The following TMEM132D variants were observed in gnomAD, a reference collection of about 807,000 sequenced individuals.
TMEM132D encodes the protein mature OL transmembrane protein.
A neutral mutation model predicts 62.3 loss-of-function variants in TMEM132D; 21 were observed. The ratio of observed to expected loss-of-function variants is 0.34; its 90% CI spans 0.24 to 0.49. TMEM132D has a LOEUF of 0.49. Among genes scored for constraint, TMEM132D ranks in the 20% least tolerant of loss-of-function variants. The probability of loss-of-function intolerance (pLI) is 0.99; values close to 1 mark genes in which losing one functional copy is unlikely to be tolerated. For synonymous variants in TMEM132D, 621 were observed against 575.6 expected, an observed-to-expected ratio of 1.08 and a Z score of -1.13; for missense variants, 1,346 against 1,402.8, an observed-to-expected ratio of 0.96 and a Z score of 0.65.
intron 4 of TMEM132D, among the ~76,000 whole-genome samples, chr12:129,258,476 T>C (rs1344248348): frequency 6.6e-6 from 1 of 152,184 alleles, no homozygotes; most frequent in African/African-American, 2.4e-5. Context: ...ATAATATACA[T>C]TGGCTTGTGA....
intron 3 of TMEM132D, among the ~76,000 whole-genome samples, chr12:129,450,344 A>T (rs1208648492): frequency 6.6e-6 from 1 of 152,150 alleles, no homozygotes; most frequent in Non-Finnish European, 1.5e-5. Context: ...TGGGTTTTAC[A>T]TTTAAGTCTT....
intron 5 of TMEM132D, among the ~76,000 whole-genome samples, chr12:129,102,047 G>A (rs1264595473): frequency 6.6e-6 from 1 of 151,034 alleles, no homozygotes; most frequent in Non-Finnish European, 1.5e-5. Flanking sequence ...AACAAGCCAG[G>A]TCTGTGACAG....
At chr12:129,122,783 G>T (rs1310557947) in intron 5 of TMEM132D, among the ~76,000 whole-genome samples, 4 of 152,166 alleles carry the variant, frequency 2.6e-5, no homozygotes, top group South Asian at 4.1e-4. Context: ...TGCAAAATAG[G>T]TTTTATCAGA....
At chr12:129,182,486 G>A (rs1169419026) in intron 5 of TMEM132D, among the ~76,000 whole-genome samples, 1 of 152,212 alleles carries the variant, frequency 6.6e-6, no homozygotes, top group Non-Finnish European at 1.5e-5. Context: ...GGGAAGGCTG[G>A]TAGGAGACAG....
At chr12:129,309,967 C>T (rs761140119) in intron 4 of TMEM132D, among the ~76,000 whole-genome samples, 1 of 152,020 alleles carries the variant, frequency 6.6e-6, no homozygotes, top group Non-Finnish European at 1.5e-5. Flanking sequence ...AGTCATTTGT[C>T]ACAAAGCATG....
At chr12:129,165,656 G>T (rs1302871337) in intron 5 of TMEM132D, among the ~76,000 whole-genome samples, 1 of 150,892 alleles carries the variant, frequency 6.6e-6, no homozygotes, top group East Asian at 2.0e-4. Flanking sequence ...TTGGCCATGG[G>T]CAGAGCAGTG....
intron 1 of TMEM132D, among the ~76,000 whole-genome samples, chr12:129,887,631 C>T (rs1292017885): frequency 6.6e-6 from 1 of 152,032 alleles, no homozygotes; most frequent in Admixed American, 6.6e-5. Flanking sequence ...GTTTCCTTTT[C>T]CTATCAAAAA....
intron 5 of TMEM132D, among the ~76,000 whole-genome samples, chr12:129,132,970 CAG>C (rs1329708057): frequency 6.6e-6 from 1 of 152,124 alleles, no homozygotes; most frequent in Non-Finnish European, 1.5e-5. Flanking sequence ...AATGTTCATG[CAG>C]AGATGGCTCT....
At chr12:129,513,851 T>TATTTA (rs1426204608) in intron 3 of TMEM132D, among the ~76,000 whole-genome samples, 21 of 141,802 alleles carry the variant, frequency 1.5e-4, no homozygotes, top group South Asian at 1.1e-3. Flanking sequence ...TTTATTTATT[T>TATTTA]TTTTGAGACG....
chr12:129,124,062 G>C (rs188917813), intron 5 of TMEM132D, among the ~76,000 whole-genome samples: 3 of 152,246 alleles, frequency 2.0e-5, no homozygotes, highest in Admixed American at 6.5e-5. Context: ...GCAGCCGACT[G>C]GTTCTGCTTC....
At chr12:129,719,089 A>AC (rs1315897247) in intron 1 of TMEM132D, among the ~76,000 whole-genome samples, 1 of 49,398 alleles carries the variant, frequency 2.0e-5, no homozygotes, top group East Asian at 7.8e-4. Flanking sequence ...AAATGAAAAA[A>AC]AAAAAAAAAA....
chr12:129,784,500 G>GCA (rs749150813), intron 1 of TMEM132D, among the ~76,000 whole-genome samples: 13 of 152,228 alleles, frequency 8.5e-5, no homozygotes, highest in Non-Finnish European at 1.3e-4. Flanking sequence ...AAAAGGCGGA[G>GCA]CACAAGATTC....
intron 2 of TMEM132D, among the ~76,000 whole-genome samples, chr12:129,580,843 G>A (rs1877835709): frequency 6.6e-6 from 1 of 152,062 alleles, no homozygotes; most frequent in Non-Finnish European, 1.5e-5. Flanking sequence ...CAAATCATGG[G>A]CAGGAGTCTG....
chr12:129,119,930 A>G (rs11060145), intron 5 of TMEM132D, among the ~76,000 whole-genome samples: 47,315 of 151,994 alleles, frequency 0.31, 8,151 homozygotes, highest in Non-Finnish European at 0.39. Flanking sequence ...GAGAGAGGTG[A>G]TATTTTCACT....
chr12:129,244,385 C>CAAAAAAAAAAAAAAA (rs751155633), intron 4 of TMEM132D, among the ~76,000 whole-genome samples: 8 of 85,208 alleles, frequency 9.4e-5, no homozygotes, highest in African/African-American at 3.3e-4. Context: ...GACTCTGTCT[C>CAAAAAAAAAAAAAAA]AAAAAAAAAA....
At chr12:129,295,183 A>ACGACC (rs1253302007) in intron 4 of TMEM132D, among the ~76,000 whole-genome samples, 1 of 152,098 alleles carries the variant, frequency 6.6e-6, no homozygotes, top group African/African-American at 2.4e-5. Flanking sequence ...TCCACAGAAG[A>ACGACC]CGACCACTAC....
chr12:129,255,317 G>T (rs752183561), intron 4 of TMEM132D, among the ~76,000 whole-genome samples: 1 of 152,108 alleles, frequency 6.6e-6, no homozygotes. Context: ...TGTTTTTGGG[G>T]CAAGACACAG....
intron 1 of TMEM132D, among the ~76,000 whole-genome samples, chr12:129,824,888 G>C (rs1334019684): frequency 6.6e-6 from 1 of 152,188 alleles, no homozygotes; most frequent in Non-Finnish European, 1.5e-5. Context: ...TGCTGAGGTA[G>C]AGAGCAGGCG....
intron 4 of TMEM132D, among the ~76,000 whole-genome samples, chr12:129,268,725 T>C (rs1326233476): frequency 6.6e-6 from 1 of 152,110 alleles, no homozygotes; most frequent in East Asian, 1.9e-4. Context: ...ACACATATGT[T>C]TATTGGGGCA....
Sources: gnomAD v4.1 joint callset for allele counts (sites outside exome capture counted in the v4.1 genomes callset) on GRCh38, gnomAD v4.1.1 for gene constraint, MANE v1.5 for transcripts, NCBI Gene and HGNC (gene_info 2026-07-23, HGNC 2026-07-21) for gene names.